Variants in MAGI2 observed in about 807,000 individuals in gnomAD.
The protein encoded by MAGI2 is membrane-associated guanylate kinase, WW and PDZ domain-containing protein 2.
A neutral mutation model predicts 133.3 loss-of-function variants in MAGI2; 35 were observed. The observed-to-expected ratio is 0.26, with a 90% CI of 0.20 to 0.35. The LOEUF is 0.35. Among genes scored for constraint, MAGI2 ranks in the 10% least tolerant of loss-of-function variants. The probability of loss-of-function intolerance (pLI) is 1.00; values close to 1 mark genes in which losing one functional copy is unlikely to be tolerated. For synonymous variants in MAGI2, 729 were observed against 710.6 expected, an observed-to-expected ratio of 1.03 and a Z score of -0.41; for missense variants, 1,636 against 1,863.4, an observed-to-expected ratio of 0.88 and a Z score of 2.25.
At chr7:78,644,350 C>T (rs959401429) in intron 2 of MAGI2, among the ~76,000 whole-genome samples, 9 of 152,020 alleles carry the variant, frequency 5.9e-5, no homozygotes, top group African/African-American at 1.7e-4. Context: ...GAACACTTAA[C>T]AATATACACT....
At chr7:78,982,327 A>C (rs1318706140) in intron 2 of MAGI2, among the ~76,000 whole-genome samples, 2 of 151,836 alleles carry the variant, frequency 1.3e-5, no homozygotes, top group Admixed American at 1.3e-4. Context: ...CATCTATCTA[A>C]GCTTCAGTTT....
intron 6 of MAGI2, among the ~76,000 whole-genome samples, chr7:78,443,418 C>T (rs1301289987): frequency 2.0e-5 from 3 of 152,112 alleles, no homozygotes; most frequent in Non-Finnish European, 4.4e-5. Flanking sequence ...TTCTTCTCAT[C>T]TACAAAGTAG....
intron 1 of MAGI2, among the ~76,000 whole-genome samples, chr7:79,424,326 G>T (rs935611638): frequency 6.6e-6 from 1 of 151,548 alleles, no homozygotes; most frequent in African/African-American, 2.4e-5. Context: ...GATCAATACT[G>T]CATGATCTTA....
At chr7:78,083,813 A>G (rs1045602640) in intron 20 of MAGI2, among the ~76,000 whole-genome samples, 4 of 152,142 alleles carry the variant, frequency 2.6e-5, no homozygotes, top group African/African-American at 4.8e-5. Flanking sequence ...TTTTTTGCCT[A>G]TGGAAGGCCA....
chr7:78,528,872 A>C (rs914998023), intron 3 of MAGI2, among the ~76,000 whole-genome samples: 5 of 152,294 alleles, frequency 3.3e-5, no homozygotes, highest in Admixed American at 1.3e-4. Context: ...AATATACCAA[A>C]TAGCATTTTG....
chr7:79,201,795 A>G lies in MAGI2; in HGVS notation c.302-194589T>C, dbSNP rs186770278. 2.0e-5 allele frequency among the ~76,000 whole-genome samples: 3 copies of G among 152,126 alleles called. No homozygotes were observed. The East Asian group carries it at 5.8e-4, about 29-fold the overall frequency. ...ATAGAACACTTTAAAATTGTTGTCC[A>G]TGTTTACCTAACATCTAATAGTTCA... On this transcript the variant is annotated intron_variant, in intron 1 of 21. Transcript: ENST00000354212.
chr7:79,030,354 A>C (rs148334757), intron 1 of MAGI2: 2 of 152,314 alleles, frequency 1.3e-5, no homozygotes, highest in African/African-American at 4.8e-5. Context: ...TAAAACAAAC[A>C]AACAATTTTG....
intron 3 of MAGI2, chr7:78,583,543 T>G (rs143907857): frequency 0.018 from 2,669 of 151,836 alleles, 34 homozygotes; most frequent in Non-Finnish European, 0.026. Context: ...ATTATGAAAA[T>G]ATATGTTTTA....
intron 1 of MAGI2, among the ~76,000 whole-genome samples, chr7:79,180,779 A>G (rs1285065991): frequency 6.6e-6 from 1 of 152,032 alleles, no homozygotes; most frequent in East Asian, 1.9e-4. Flanking sequence ...TTCACCTATA[A>G]GCCTGTAAAA....
intron 2 of MAGI2, among the ~76,000 whole-genome samples, chr7:78,667,499 T>C (rs550013252): frequency 2.6e-5 from 4 of 151,880 alleles, no homozygotes; most frequent in South Asian, 2.1e-4. Context: ...ATTAACTCGT[T>C]ATTTAGCATT....
intron 9 of MAGI2, among the ~76,000 whole-genome samples, chr7:78,324,306 A>G (rs759864398): frequency 2.1e-4 from 32 of 152,122 alleles, no homozygotes; most frequent in Non-Finnish European, 3.8e-4. Context: ...TTAAGGAATC[A>G]TATGGTTCAT....
intron 2 of MAGI2, among the ~76,000 whole-genome samples, chr7:78,869,076 T>C (rs1794825126): frequency 6.6e-6 from 1 of 152,178 alleles, no homozygotes; most frequent in South Asian, 2.1e-4. Flanking sequence ...TTTTAAAGGA[T>C]TAAGATTGTC....
chr7:78,891,621 C>G (rs922352448), intron 2 of MAGI2, among the ~76,000 whole-genome samples: 17 of 152,166 alleles, frequency 1.1e-4, no homozygotes, highest in African/African-American at 4.1e-4. Flanking sequence ...GAACCAATGA[C>G]AAAAACTACA....
At chr7:79,092,668 T>A (rs182759513) in intron 1 of MAGI2, among the ~76,000 whole-genome samples, 96 of 152,318 alleles carry the variant, frequency 6.3e-4, no homozygotes, top group African/African-American at 2.2e-3. Flanking sequence ...AATTTTAGGT[T>A]GCTACAGATA....
intron 1 of MAGI2, among the ~76,000 whole-genome samples, chr7:79,305,774 C>A (rs976787326): frequency 2.6e-5 from 4 of 151,930 alleles, no homozygotes; most frequent in South Asian, 4.2e-4. Context: ...CAAATAAATT[C>A]TCCAGGCATG....
rs17150560 is a variant in MAGI2, at chr7:78,345,758, A to G, written c.1225+164T>C. On this transcript the variant is annotated intron_variant, in intron 8 of 21. Coordinates refer to ENST00000354212, the MANE Select transcript of MAGI2 (RefSeq NM_012301.4). ...AACTTCATCTGCGGTTGCTAAAGGC[A>G]TTAGTTTAGAGAGAATGCAAACATC... Among the ~76,000 whole-genome samples, 5,628 of 152,366 alleles carry G rather than the reference A, an allele frequency of 0.037. 161 individuals are homozygous for G. The highest frequency in any genetic ancestry group is 0.13 in the South Asian group (615 of 4,830).
chr7:78,662,628 T>C (rs772232210), intron 2 of MAGI2, among the ~76,000 whole-genome samples: 15 of 152,164 alleles, frequency 9.9e-5, no homozygotes, highest in Non-Finnish European at 1.8e-4. Context: ...CTATAGTGTG[T>C]CTACACCATC....
intron 1 of MAGI2, among the ~76,000 whole-genome samples, chr7:79,214,466 TATATATAC>T (rs1829832606): frequency 1.6e-5 from 2 of 127,904 alleles, no homozygotes; most frequent in Admixed American, 1.7e-4. Context: ...CACACAAACA[TATATATAC>T]ATATATATGT....
chr7:78,547,778 G>T (rs1192931613), intron 3 of MAGI2, among the ~76,000 whole-genome samples: 1 of 152,232 alleles, frequency 6.6e-6, no homozygotes, highest in Non-Finnish European at 1.5e-5. Context: ...AAGGGAAAAT[G>T]TGCAAACCTC....
Sources: allele counts gnomAD v4.1 joint callset (sites outside exome capture counted in the v4.1 genomes callset), GRCh38; gene constraint gnomAD v4.1.1; transcripts MANE v1.5; gene names NCBI Gene and HGNC (gene_info 2026-07-23, HGNC 2026-07-21).